PHF8: variants seen among roughly 807,000 people sequenced by gnomAD.
The protein encoded by PHF8 is PHD finger protein 8, also known as histone lysine demethylase PHF8.
Under a neutral mutation model 74.4 loss-of-function variants are expected in PHF8, and 9 were observed. The observed-to-expected ratio is 0.12, with a 90% CI of 0.07 to 0.21. The LOEUF (loss-of-function observed/expected upper bound fraction) is 0.21. Among genes scored for constraint, PHF8 ranks in the 10% least tolerant of loss-of-function variants. PHF8 has a pLI of 1.00. For missense variants in PHF8, 478 were observed against 816.6 expected (o/e 0.59, Z 5.05); for synonymous variants, 311 against 316.6 (o/e 0.98, Z 0.19).
chrX:53,986,520 A>AC (rs1490173994), intron 16 of PHF8, among the ~76,000 whole-genome samples: 1 of 112,964 alleles, frequency 8.9e-6, no homozygotes, highest in African/African-American at 3.2e-5. Context: ...GGCGTGAGCC[A>AC]CCACGCCCGG....
intron 2 of PHF8, among the ~76,000 whole-genome samples, chrX:54,024,457 C>T (rs1557110938): frequency 8.9e-6 from 1 of 111,938 alleles, no homozygotes. Flanking sequence ...TACCCCTGTT[C>T]CCTCTGGACA....
At chrX:54,011,584 G>A (rs137857689) in intron 7 of PHF8, among the ~76,000 whole-genome samples, 4 of 111,588 alleles carry the variant, frequency 3.6e-5, no homozygotes, top group African/African-American at 1.3e-4. Flanking sequence ...TAGACACAAT[G>A]CCAAATAAAG....
intron 18 of PHF8, among the ~76,000 whole-genome samples, chrX:53,967,154 C>T (rs1557093047): frequency 9.2e-5 from 10 of 108,441 alleles, no homozygotes; most frequent in Middle Eastern, 5.1e-3. Flanking sequence ...GGGTCAGCCC[C>T]CCGCCCGGCC....
At chrX:53,941,069 C>T (rs781805831) in intron 20 of PHF8, among the ~76,000 whole-genome samples, 4 of 111,867 alleles carry the variant, frequency 3.6e-5, no homozygotes, top group South Asian at 3.7e-4. Context: ...AAAATCTGAG[C>T]GTAGAAAGAT....
chrX:53,969,249 C>A (rs782567814), intron 18 of PHF8, among the ~76,000 whole-genome samples: 34 of 108,901 alleles, frequency 3.1e-4, no homozygotes, highest in Admixed American at 1.4e-3. Flanking sequence ...ACAACAACAA[C>A]AAAAAAAACA....
intron 19 of PHF8, 148 bp from the exon 20 acceptor site, chrX:53,944,391 A>T: frequency 6.4e-6 from 3 of 465,400 alleles, no homozygotes; most frequent in Non-Finnish European, 1.1e-5. Context: ...GCCATCACAT[A>T]AGAACCTAAT....
upstream of PHF8, among the ~76,000 whole-genome samples, chrX:54,046,933 A>G (rs1243804765): frequency 1.8e-5 from 2 of 112,507 alleles, no homozygotes; most frequent in Non-Finnish European, 3.7e-5. Flanking sequence ...TGGATCTCAA[A>G]AATGTCAGGC....
At chrX:53,998,463 T>TAAATAAAATA (rs373368055) in intron 11 of PHF8, among the ~76,000 whole-genome samples, 12 of 109,119 alleles carry the variant, frequency 1.1e-4, no homozygotes, top group African/African-American at 4.0e-4. Context: ...CATAAATAAA[T>TAAATAAAATA]AAATAAAATA....
intron 11 of PHF8, among the ~76,000 whole-genome samples, chrX:53,996,579 T>A (rs1307019753): frequency 2.7e-5 from 3 of 111,311 alleles, no homozygotes; most frequent in Non-Finnish European, 5.7e-5. Flanking sequence ...AGTCTTACTC[T>A]GCCACCCAGG....
At chrX:53,946,195 T>C (rs2064829699) in intron 19 of PHF8, among the ~76,000 whole-genome samples, 1 of 112,123 alleles carries the variant, frequency 8.9e-6, no homozygotes, top group Admixed American at 9.5e-5. Flanking sequence ...GGGAATTGGA[T>C]ATTCACACAG....
At chrX:53,957,250 G>A (rs2065028874) in intron 19 of PHF8, among the ~76,000 whole-genome samples, 1 of 110,524 alleles carries the variant, frequency 9.0e-6, no homozygotes, top group Admixed American at 9.7e-5. Context: ...CAGCTACTCA[G>A]GAGGCTGAAG....
At chrX:53,941,618 G>C (rs1557083567) in intron 20 of PHF8, among the ~76,000 whole-genome samples, 1 of 111,993 alleles carries the variant, frequency 8.9e-6, no homozygotes, top group Admixed American at 9.5e-5. Context: ...AACCAACTCA[G>C]TGATCACATT....
At chrX:53,976,261 C>T (rs1459472783) in intron 18 of PHF8, among the ~76,000 whole-genome samples, 3 of 108,968 alleles carry the variant, frequency 2.8e-5, no homozygotes, top group African/African-American at 6.7e-5. Context: ...GCGGAGACTG[C>T]GCCACAGCAC....
intron 19 of PHF8, among the ~76,000 whole-genome samples, chrX:53,953,458 C>T (rs782373361): frequency 8.3e-5 from 9 of 109,044 alleles, no homozygotes; most frequent in Admixed American, 6.9e-4. Flanking sequence ...CTGGCCAACA[C>T]GGTGAAACCC....
intron 8 of PHF8, among the ~76,000 whole-genome samples, chrX:54,005,487 A>G (rs2065884496): frequency 9.1e-6 from 1 of 109,536 alleles, no homozygotes; most frequent in African/African-American, 3.3e-5. Flanking sequence ...AAAAGAAATA[A>G]TGGCTAAAAA....
At chrX:53,965,098 A>G (rs2065162649) in intron 18 of PHF8, among the ~76,000 whole-genome samples, 1 of 111,384 alleles carries the variant, frequency 9.0e-6, no homozygotes, top group South Asian at 3.7e-4. Flanking sequence ...TAAATAATGG[A>G]AAAAAGATGA....
chrX:53,964,202 G>A (rs367905807), intron 18 of PHF8, among the ~76,000 whole-genome samples: 2 of 109,862 alleles, frequency 1.8e-5, no homozygotes, highest in Non-Finnish European at 3.8e-5. Context: ...ATGAAAACAG[G>A]GAGGGAAACA....
chrX:53,981,647 G>T (rs1253127533), intron 18 of PHF8, among the ~76,000 whole-genome samples: 2 of 111,846 alleles, frequency 1.8e-5, no homozygotes, highest in Admixed American at 1.9e-4. Context: ...GAGGAAGTCT[G>T]AGTCCAGAGC....
chrX:54,048,253 G>A (rs1322042659), upstream of PHF8, among the ~76,000 whole-genome samples: 1 of 110,975 alleles, frequency 9.0e-6, no homozygotes, highest in East Asian at 2.8e-4. Flanking sequence ...GGCTACAGGT[G>A]GGGGTCAGGG....
Sources: allele counts gnomAD v4.1 joint callset (sites outside exome capture counted in the v4.1 genomes callset), GRCh38; gene constraint gnomAD v4.1.1; transcripts MANE v1.5; gene names NCBI Gene and HGNC (gene_info 2026-07-23, HGNC 2026-07-21).